The following AOAH variants were observed in gnomAD, a reference collection of about 807,000 sequenced individuals.
AOAH encodes acyloxyacyl hydrolase, also known as acyloxyacyl hydrolase (neutrophil).
In AOAH, 64 loss-of-function variants were observed where a neutral mutation model predicts 92.2. That is an observed-to-expected ratio of 0.69 (90% CI 0.57 to 0.86). The LOEUF (loss-of-function observed/expected upper bound fraction) is 0.86, where lower values mean the gene tolerates loss of function less well. AOAH is among the 40% of genes least tolerant of loss of function. The pLI, the probability that AOAH is intolerant of heterozygous loss-of-function variation, is 0.00. For synonymous variants in AOAH, 263 were observed against 254.5 expected (o/e 1.03, Z -0.32); for missense variants, 656 against 694.6 (o/e 0.94, Z 0.62).
intron 13 of AOAH, among the ~76,000 whole-genome samples, chr7:36,575,335 C>A (rs1398303190): frequency 6.6e-6 from 1 of 152,212 alleles, no homozygotes; most frequent in Non-Finnish European, 1.5e-5. Context: ...AACTTACTAT[C>A]TGTGTGGCTG....
chr7:36,602,443 G>GT (rs535476519), intron 11 of AOAH, among the ~76,000 whole-genome samples: 2,225 of 126,958 alleles, frequency 0.018, 37 homozygotes, highest in African/African-American at 0.035. Context: ...TCCTTCCATT[G>GT]TTTTTTTTTT....
intron 13 of AOAH, among the ~76,000 whole-genome samples, chr7:36,556,366 T>C (rs1272236929): frequency 6.6e-6 from 1 of 152,182 alleles, no homozygotes; most frequent in Admixed American, 6.5e-5. Context: ...TTATAATTTC[T>C]GTTCTTTTCC....
rs142229348 is a variant in AOAH at position 36,522,074 on chromosome 7, G to A, written c.1564C>T (p.Leu522Phe). The change falls in exon 20 of 21, where the codon CTC becomes TTC. Residue 522 changes from leucine to phenylalanine, a missense_variant. By Grantham distance (22) the Leu-to-Phe change is conservative (BLOSUM62 0). Coordinates refer to ENST00000617537, the MANE Select transcript of AOAH (RefSeq NM_001637.4). ...WQKRGGQPWQ[L>F]IEPVDGFHPN... Reference sequence around the variant, plus strand: ...TGGAATCCATCCACGGGCTCGATGAGCTGCCAGGGCTGTCCGCCTCTCTTC... The same window carrying A: ...TGGAATCCATCCACGGGCTCGATGAACTGCCAGGGCTGTCCGCCTCTCTTC... 535 of 1,614,198 alleles carry A rather than the reference G, an allele frequency of 3.3e-4. 6 individuals carry two copies. The African/African-American group carries it at 6.3e-3, about 19-fold the overall frequency.
At chr7:36,631,785 C>T (rs561337066) in intron 6 of AOAH, among the ~76,000 whole-genome samples, 119 of 152,236 alleles carry the variant, frequency 7.8e-4, no homozygotes, top group South Asian at 1.9e-3. Flanking sequence ...AGCCTCACTG[C>T]GGGCTGCATT....
chr7:36,555,530 C>A (rs1258306208), intron 13 of AOAH, among the ~76,000 whole-genome samples: 3 of 152,040 alleles, frequency 2.0e-5, no homozygotes, highest in South Asian at 4.2e-4. Context: ...CCCTCTTTTT[C>A]TATTGATTGG....
chr7:36,676,068 G>C (rs1418654063), intron 2 of AOAH, among the ~76,000 whole-genome samples: 1 of 152,150 alleles, frequency 6.6e-6, no homozygotes, highest in East Asian at 1.9e-4. Context: ...GAAAATATAA[G>C]AATATCTGCA....
At chr7:36,562,823 A>T (rs550703534) in intron 13 of AOAH, among the ~76,000 whole-genome samples, 8 of 152,014 alleles carry the variant, frequency 5.3e-5, no homozygotes, top group Non-Finnish European at 1.0e-4. Flanking sequence ...AAATTCACTC[A>T]TGGTAACCCC....
chr7:36,608,947 A>G (rs1229409003), intron 11 of AOAH, among the ~76,000 whole-genome samples: 1 of 151,746 alleles, frequency 6.6e-6, no homozygotes, highest in Non-Finnish European at 1.5e-5. Flanking sequence ...AAAAAGCACC[A>G]GAAGTTTCCT....
intron 1 of AOAH, among the ~76,000 whole-genome samples, chr7:36,719,814 T>C (rs746768480): frequency 5.3e-5 from 8 of 152,106 alleles, no homozygotes; most frequent in Non-Finnish European, 8.8e-5. Flanking sequence ...TGTGCACCTG[T>C]AGTCCCAGTT....
intron 13 of AOAH, among the ~76,000 whole-genome samples, chr7:36,563,109 T>G (rs1282202020): frequency 1.7e-5 from 2 of 118,406 alleles, no homozygotes; most frequent in Non-Finnish European, 3.2e-5. Context: ...ATCGTGCCAC[T>G]GCACTCCAGC....
intron 1 of AOAH, among the ~76,000 whole-genome samples, chr7:36,702,250 C>T (rs1798075322): frequency 6.6e-6 from 1 of 152,072 alleles, no homozygotes; most frequent in African/African-American, 2.4e-5. Context: ...ATTTACATTC[C>T]TAGTGCTTTT....
chr7:36,664,157 A>C lies in AOAH; in HGVS notation c.291-4892T>G, dbSNP rs1027890366. ...ATATACTTTGCAAATAGTTTCTCTG[A>C]GTCTATTTATTTGTACTATGTAAAA... On this transcript the variant is annotated intron_variant, in intron 3 of 20. Transcript: ENST00000617537. Among the ~76,000 whole-genome samples, 8 of 151,938 alleles carry C rather than the reference A, an allele frequency of 5.3e-5. 1 individual carries two copies. In the South Asian group the frequency reaches 1.7e-3, roughly 32 times the overall value.
intron 4 of AOAH, among the ~76,000 whole-genome samples, chr7:36,639,712 T>C (rs1793767758): frequency 6.6e-6 from 1 of 152,230 alleles, no homozygotes. Flanking sequence ...CATGTTGTCT[T>C]GTTTCTTGTT....
intron 1 of AOAH, among the ~76,000 whole-genome samples, chr7:36,690,947 T>C (rs1462600053): frequency 6.6e-6 from 1 of 152,186 alleles, no homozygotes; most frequent in Non-Finnish European, 1.5e-5. Flanking sequence ...TAATCATATC[T>C]GTGCTGGCTG....
intron 11 of AOAH, among the ~76,000 whole-genome samples, chr7:36,615,574 A>G (rs1485931519): frequency 6.6e-6 from 1 of 152,050 alleles, no homozygotes; most frequent in East Asian, 1.9e-4. Flanking sequence ...TGGCATTCAG[A>G]CTGCCCTTCC....
intron 19 of AOAH, among the ~76,000 whole-genome samples, chr7:36,523,058 T>C (rs1298463253): frequency 6.6e-6 from 1 of 152,162 alleles, no homozygotes; most frequent in African/African-American, 2.4e-5. Context: ...TTAGTCCTAA[T>C]ATCCCAGCAT....
intron 1 of AOAH, among the ~76,000 whole-genome samples, chr7:36,709,031 C>T (rs193003422): frequency 1.8e-4 from 28 of 152,048 alleles, no homozygotes; most frequent in African/African-American, 2.4e-4. Flanking sequence ...AGGTCTCCCC[C>T]GACACATGCA....
intron 1 of AOAH, among the ~76,000 whole-genome samples, chr7:36,719,902 C>T (rs1313303001): frequency 6.6e-6 from 1 of 151,146 alleles, no homozygotes; most frequent in Non-Finnish European, 1.5e-5. Flanking sequence ...TACCACTGCA[C>T]TGTAGCCTGG....
At chr7:36,537,522 T>TTC (rs1562546272) in intron 16 of AOAH, among the ~76,000 whole-genome samples, 1 of 122,502 alleles carries the variant, frequency 8.2e-6, no homozygotes, top group Non-Finnish European at 1.8e-5. Flanking sequence ...TTTTTTTTTT[T>TTC]GTTTGTTTGT....
Sources: gnomAD v4.1 joint callset for allele counts (sites outside exome capture counted in the v4.1 genomes callset) on GRCh38, gnomAD v4.1.1 for gene constraint, MANE v1.5 for transcripts, NCBI Gene and HGNC (gene_info 2026-07-23, HGNC 2026-07-21) for gene names.